CIZ1: variants seen among roughly 807,000 people sequenced by gnomAD.
The protein encoded by CIZ1 is cip1-interacting zinc finger protein.
CIZ1 carries 58 observed loss-of-function variants against 118.6 expected under a neutral mutation model. The ratio of observed to expected loss-of-function variants is 0.49; its 90% confidence interval spans 0.40 to 0.61. The LOEUF (loss-of-function observed/expected upper bound fraction) is 0.61, where lower values mean the gene tolerates loss of function less well. CIZ1 is among the 20% of genes least tolerant of loss of function. The pLI is 0.00. For missense variants in CIZ1, 921 were observed against 1,115.9 expected (o/e 0.83, Z 2.49); for synonymous variants, 448 against 443.4 (o/e 1.01, Z -0.13).
chr9:128,166,536 C>T lies in CIZ1; in HGVS notation c.2488-130G>A. The T allele has an allele frequency of 2.1e-6, 2 of 955,852 alleles. No homozygotes were observed. The highest frequency in any genetic ancestry group is 2.7e-5 in the Admixed American group (1 of 36,626). The allele number at this position is 955,852 out of a possible 1,614,324, so 59.2% of individuals were successfully genotyped here. A position where few individuals can be genotyped will look rare whatever the true frequency, so the allele number is the denominator to read the frequency against. On this transcript the variant is annotated intron_variant, in intron 16 of 16. Coordinates refer to ENST00000372938, the MANE Select transcript of CIZ1 (RefSeq NM_001131016.2). The surrounding 1 kb of genome is among the most constrained non-coding windows in gnomAD (Gnocchi z 4.4). ...CTGTGACCCTGCGTGATGCACTCGG[C>T]CTCTCTGGGCCGTCTCTGGAGCTAA... is the stretch of plus-strand genomic sequence containing the variant.
Position 128,179,084 on chromosome 9 carries a change from C to T in CIZ1, c.1123G>A (p.Val375Met), listed in dbSNP as rs1365056399. The T allele has an allele frequency of 4.3e-6, 7 of 1,613,706 alleles. No individual in the cohort carries two copies. The highest frequency in any genetic ancestry group is 5.9e-6 in the Non-Finnish European group (7 of 1,179,828). ...LQQEAEPQKQ[V>M]QPQVQPQAHS... is the part of the protein sequence containing the mutation. ...GCCTGTGGCTGTACCTGTGGCTGCACCTGCTTCTGTGGCTCTGCCTCCTGC... is the reference window on the plus strand; with the variant it reads ...GCCTGTGGCTGTACCTGTGGCTGCATCTGCTTCTGTGGCTCTGCCTCCTGC... The change falls in exon 8 of 17, where the codon GTG (valine) becomes ATG (methionine). Residue 375 changes from valine to methionine, a missense_variant. Physicochemically the swap from Val to Met is conservative, Grantham distance 21. Transcript: ENST00000372938.
At position 128,166,796 on chromosome 9, in the gene CIZ1, GAGAGCTGT is replaced by G; in HGVS notation, c.2442_2449del (p.Gln815ProfsTer9). Reference sequence around the variant, plus strand: ...AAAGTGGCCCAGGGACTTGCAGTGGGAGAGCTGTGCCCCTGAGTTGCTGTGATAGAACT... The same window carrying G: ...AAAGTGGCCCAGGGACTTGCAGTGGGGCCCCTGAGTTGCTGTGATAGAACT... On this transcript the variant is annotated frameshift_variant, in exon 16 of 17. Transcript: ENST00000372938. LOFTEE classifies it high-confidence loss of function. The surrounding 1 kb of genome is among the most constrained non-coding windows in gnomAD (Gnocchi z 4.4). 1 of 1,614,184 alleles carries G rather than the reference GAGAGCTGT, an allele frequency of 6.2e-7. No homozygotes were observed.
In CIZ1 at chr9:128,179,271, C is replaced by T; in HGVS notation, c.936G>A (p.Gln312=). The T allele has an allele frequency of 6.2e-7, 1 of 1,614,164 alleles. No homozygotes were observed. The highest frequency in any genetic ancestry group is 8.5e-7 in the Non-Finnish European group (1 of 1,180,044). Residue 312 remains glutamine, a synonymous_variant, in exon 8 of 17, where the codon CAG becomes CAA. Coordinates refer to ENST00000372938, the MANE Select transcript of CIZ1 (RefSeq NM_001131016.2). ...ALEAQVLPRF[Q]PRVLQVQAQV... Reference sequence around the variant, plus strand: ...GGGCCTGGACCTGCAGGACCCGTGGCTGGAATCGTGGCAGCACTTGGGCTT... The same window carrying T: ...GGGCCTGGACCTGCAGGACCCGTGGTTGGAATCGTGGCAGCACTTGGGCTT...
chr9:128,180,462 C>T lies in CIZ1; in HGVS notation c.744G>A (p.Glu248=). Residue 248 remains glutamate (E), a synonymous_variant, in exon 7 of 17, where the codon GAG becomes GAA. Coordinates refer to ENST00000372938, the MANE Select transcript of CIZ1 (RefSeq NM_001131016.2). ...GCTCGGACGCCTCACAAGGCTCAGG[C>T]TCAGGTGCTGGAGTGCGTTTTTCCT... ...IAKEKRTPAP[E]PEPCEASELP... 1 of 1,614,194 alleles carries T rather than the reference C, an allele frequency of 6.2e-7. No homozygotes were observed. Among genetic ancestry groups the T allele is most frequent in the Non-Finnish European group, 8.5e-7 (1 of 1,180,040 alleles).
At chr9:128,180,596 C>CCCATCTCT in intron 6 of CIZ1, 73 bp from the exon 7 acceptor site, 1 of 1,435,786 alleles carries the variant, frequency 7.0e-7, no homozygotes, top group Non-Finnish European at 9.7e-7. Flanking sequence ...GAGATGGGGC[C>CCCATCTCT]TGGGCTCCCC....
intron 5 of CIZ1, among the ~76,000 whole-genome samples, chr9:128,181,768 G>A (rs1276050727): frequency 2.6e-5 from 2 of 76,854 alleles, no homozygotes; most frequent in Admixed American, 1.1e-4. Context: ...GAAAGGCGGG[G>A]GGGGGGGGGG....
chr9:128,180,894 A>AT (rs1831511163), intron 5 of CIZ1, 80 bp from the exon 6 acceptor site: 1 of 1,011,414 alleles, frequency 9.9e-7, no homozygotes, highest in Non-Finnish European at 1.5e-6. Flanking sequence ...GCTGCCCCCC[A>AT]TCCTCCAGGG....
At chr9:128,180,646 T>G in intron 6 of CIZ1, 75 bp downstream of exon 6, 1 of 1,363,414 alleles carries the variant, frequency 7.3e-7, no homozygotes, top group Non-Finnish European at 1.0e-6. Context: ...CACCTGCCTC[T>G]ATCACCTGCT....
In CIZ1 at chr9:128,179,435, A is replaced by T. The variant is rs780169720; in HGVS notation, c.792-20T>A. ...TCTGAGCTAGGAAGGATCAAAAAAA[A>T]ATCCCAGTCATGTCTTCAAAGAGGC... On this transcript the variant is annotated intron_variant, in intron 7 of 16. Transcript: ENST00000372938. The T allele has an allele frequency of 6.5e-7, 1 of 1,545,832 alleles. No individual in the cohort carries two copies. Among genetic ancestry groups the T allele is most frequent in the Non-Finnish European group, 8.7e-7 (1 of 1,151,386 alleles).
chr9:128,174,976 T>C (rs995222007), intron 11 of CIZ1, among the ~76,000 whole-genome samples: 4 of 152,168 alleles, frequency 2.6e-5, no homozygotes, highest in Non-Finnish European at 2.9e-5. Context: ...CTTGATGGCC[T>C]CAGGGCCAAG....
chr9:128,188,049 C>CAAA (rs34003070), intron 3 of CIZ1, 115 bp from the exon 4 acceptor site: 15 of 22,338 alleles, frequency 6.7e-4, no homozygotes, highest in African/African-American at 7.8e-4. Context: ...CTTAAAACAG[C>CAAA]AAAAAAAAAA....
At chr9:128,178,069 T>C (rs1831091531) in intron 9 of CIZ1, among the ~76,000 whole-genome samples, 1 of 152,008 alleles carries the variant, frequency 6.6e-6, no homozygotes, top group African/African-American at 2.4e-5. Context: ...CAGAGAGGCT[T>C]CCACTCTGTG....
chr9:128,197,895 C>A (rs1431655240), intron 1 of CIZ1: 1 of 152,156 alleles, frequency 6.6e-6, no homozygotes, highest in Admixed American at 6.5e-5. Context: ...TATTATAATC[C>A]CCCTTTTACA....
intron 11 of CIZ1, among the ~76,000 whole-genome samples, chr9:128,173,245 G>C (rs907689695): frequency 1.3e-5 from 2 of 149,258 alleles, no homozygotes; most frequent in African/African-American, 5.0e-5. Context: ...CCTGGGTTCA[G>C]GCCATTCTCC....
At position 128,190,715 on chromosome 9, in the gene CIZ1, T is replaced by C; in HGVS notation, c.143A>G (p.Gln48Arg). The C allele has an allele frequency of 6.4e-7, 1 of 1,551,764 alleles. No individual in the cohort carries two copies. Among genetic ancestry groups the C allele is most frequent in the East Asian group, 2.4e-5 (1 of 41,328 alleles). ...LQQLLQQSPP[Q>R]APLPMAVSRG... The stretch of plus-strand genomic sequence containing the variant: ...GCTGACAGCCATGGGCAACGGGGCC[T>C]GTGGTGGGGACTGCTGGAGCAGCTG... Residue 48 changes from glutamine (Q) to arginine (R), a missense_variant, in exon 2 of 17, where the codon CAG becomes CGG. Coordinates refer to ENST00000372938, the MANE Select transcript of CIZ1 (RefSeq NM_001131016.2).
upstream of CIZ1, among the ~76,000 whole-genome samples, chr9:128,193,776 AGC>A (rs1298905839): frequency 6.6e-6 from 1 of 152,168 alleles, no homozygotes; most frequent in South Asian, 2.1e-4. Flanking sequence ...TCTGGGTGCT[AGC>A]GTTGGAGAGG....
chr9:128,195,901 T>G (rs879860194), upstream of CIZ1, among the ~76,000 whole-genome samples: 1 of 152,244 alleles, frequency 6.6e-6, no homozygotes, highest in Admixed American at 6.5e-5. Flanking sequence ...AGTCTCGCTC[T>G]GTCGCCCAAG....
rs893927489 is a variant in CIZ1 at position 128,191,010 on chromosome 9, C to T, written c.-5-148G>A. On this transcript the variant is annotated intron_variant, in intron 1 of 16. Transcript: ENST00000372938. This position sits in a 1 kb window ranked among gnomAD's most constrained non-coding sequence, Gnocchi z 5.5. ...CATTCCCAGTCCTGCCAAGAGCCTGCCACACTCGCTTGGCCCATCCTTCCA... is the reference window on the plus strand; with the variant it reads ...CATTCCCAGTCCTGCCAAGAGCCTGTCACACTCGCTTGGCCCATCCTTCCA... The T allele has an allele frequency of 4.9e-6, 6 of 1,226,674 alleles. No individual in the cohort carries two copies. Among genetic ancestry groups the T allele is most frequent in the South Asian group, 4.7e-5 (3 of 63,694 alleles). 76.0% of individuals were successfully genotyped at this position (1,226,674 alleles called of 1,614,324 possible).
In CIZ1 at chr9:128,191,453, A is replaced by C; in HGVS notation, c.-27T>G. 1 of 976,632 alleles carries C rather than the reference A, an allele frequency of 1.0e-6. No homozygotes were observed. Among genetic ancestry groups the C allele is most frequent in the Non-Finnish European group, 1.2e-6 (1 of 820,876 alleles). 60.5% of individuals were successfully genotyped at this position (976,632 alleles called of 1,614,324 possible). Reference sequence around the variant, plus strand: ...GCACCTCGCCTCCCCGCGCGCCCTCAACGCTCAAGTCGCCCCCACGGATGG... The same window carrying C: ...GCACCTCGCCTCCCCGCGCGCCCTCCACGCTCAAGTCGCCCCCACGGATGG... On this transcript the variant is annotated 5_prime_UTR_variant, in exon 1 of 17. Transcript: ENST00000372938. This position sits in a 1 kb window ranked among gnomAD's most constrained non-coding sequence, Gnocchi z 5.5.
Sources: gnomAD v4.1 joint callset for allele counts (sites outside exome capture counted in the v4.1 genomes callset) on GRCh38, gnomAD v4.1.1 for gene constraint, Gnocchi (gnomAD v3.1) non-coding constraint, MANE v1.5 for transcripts, NCBI Gene and HGNC (gene_info 2026-07-23, HGNC 2026-07-21) for gene names.